The following MYOM1 variants were observed in gnomAD, a reference collection of about 807,000 sequenced individuals.
The protein encoded by MYOM1 is myomesin 1, also known as myomesin-1.
In MYOM1, 164 loss-of-function variants were observed where a neutral mutation model predicts 205.3. The observed-to-expected ratio is 0.80, with a 90% confidence interval of 0.70 to 0.91. The LOEUF (loss-of-function observed/expected upper bound fraction) is 0.91. Ranked by LOEUF, MYOM1 falls within the 40% of genes least tolerant of loss-of-function variation. The pLI is 0.00. For missense variants in MYOM1, 2,011 were observed against 2,127.3 expected (o/e 0.95, Z 1.08); for synonymous variants, 772 against 789.4 (o/e 0.98, Z 0.37).
chr18:3,103,625 T>A lies in MYOM1; in HGVS notation c.3419-995A>T, dbSNP rs2079411218. 2.6e-5 allele frequency among the ~76,000 whole-genome samples: 4 copies of A among 152,178 alleles called. No individual in the cohort carries two copies. In the South Asian group the frequency reaches 8.3e-4, roughly 31 times the overall value. On this transcript the variant is annotated intron_variant, in intron 22 of 37. Transcript: ENST00000356443. The stretch of plus-strand genomic sequence containing the variant: ...TATATTACATTTAATCCCAGAAAAG[T>A]ACAGCTGTATTTTTTTAAAAAGCAT...
intron 2 of MYOM1, among the ~76,000 whole-genome samples, chr18:3,197,472 T>A (rs916156606): frequency 1.3e-5 from 2 of 152,182 alleles, no homozygotes; most frequent in Non-Finnish European, 2.9e-5. Flanking sequence ...TACCTATATA[T>A]GTTTATTTAT....
At chr18:3,114,525 AT>A (rs2079575533) in intron 21 of MYOM1, among the ~76,000 whole-genome samples, 1 of 145,998 alleles carries the variant, frequency 6.8e-6, no homozygotes, top group East Asian at 2.0e-4. Flanking sequence ...ATACAGGCAC[AT>A]GCCACCATGG....
In MYOM1 at chr18:3,215,113, G is replaced by GGCCTGGGTGTA; in HGVS notation, c.110_111insTACACCCAGGC (p.Val38ThrfsTer45). The GGCCTGGGTGTA allele has an allele frequency of 6.2e-7, 1 of 1,613,754 alleles. No individual in the cohort carries two copies. The highest frequency in any genetic ancestry group is 8.5e-7 in the Non-Finnish European group (1 of 1,179,836). ...AGGCCGTGGAGCCCTGGGTGTAGACGGCGGAGCGTTTCTTCTCCCGCTGGT... is the reference window on the plus strand; with the variant it reads ...AGGCCGTGGAGCCCTGGGTGTAGACGGCCTGGGTGTAGCGGAGCGTTTCTTCTCCCGCTGGT... On this transcript the variant is annotated frameshift_variant, in exon 2 of 38. Coordinates refer to ENST00000356443, the MANE Select transcript of MYOM1 (RefSeq NM_003803.4). LOFTEE classifies it high-confidence loss of function.
intron 10 of MYOM1, among the ~76,000 whole-genome samples, chr18:3,156,729 C>A (rs569081863): frequency 5.3e-5 from 8 of 152,172 alleles, no homozygotes; most frequent in Non-Finnish European, 1.2e-4. Flanking sequence ...CCTCAAGCCT[C>A]CTGAGTAGCT....
In MYOM1 at chr18:3,148,844, C is replaced by CAAAAAA. The variant is rs71159049; in HGVS notation, c.1900+295_1900+300dup. Among the ~76,000 whole-genome samples, 155 of 47,942 alleles carry CAAAAAA rather than the reference C, an allele frequency of 3.2e-3. 2 individuals carry two copies. Among genetic ancestry groups the CAAAAAA allele is most frequent in the East Asian group, 5.4e-3 (6 of 1,110 alleles). The allele number at this position is 47,942 out of a possible 152,430, so 31.5% of individuals were successfully genotyped here. On this transcript the variant is annotated intron_variant, in intron 13 of 37. Coordinates refer to ENST00000356443, the MANE Select transcript of MYOM1 (RefSeq NM_003803.4). ...CTGGGCGACAGAGCGAGACTCCATC[C>CAAAAAA]AAAAAAAAAAAAAAAAAAAAAAAAA... is the stretch of plus-strand genomic sequence containing the variant.
At chr18:3,198,801 A>C (rs1176037580) in intron 2 of MYOM1, among the ~76,000 whole-genome samples, 2 of 151,964 alleles carry the variant, frequency 1.3e-5, no homozygotes, top group African/African-American at 4.8e-5. Context: ...AAAAAAAAAA[A>C]AAAAGATTTA....
At chr18:3,211,970 T>A (rs1276834857) in intron 2 of MYOM1, among the ~76,000 whole-genome samples, 1 of 152,234 alleles carries the variant, frequency 6.6e-6, no homozygotes, top group Non-Finnish European at 1.5e-5. Context: ...TGCTTTCATT[T>A]AGCAGGAAAA....
intron 23 of MYOM1, among the ~76,000 whole-genome samples, chr18:3,101,786 T>C (rs1205716879): frequency 6.6e-6 from 1 of 152,094 alleles, no homozygotes. Flanking sequence ...TCTAATAGCA[T>C]AAATGAGATA....
intron 33 of MYOM1, among the ~76,000 whole-genome samples, chr18:3,083,421 C>CT (rs1427363378): frequency 8.5e-5 from 8 of 94,116 alleles, no homozygotes; most frequent in East Asian, 2.8e-4. Flanking sequence ...TTTTCTTTTT[C>CT]TTTTTCTTTT....
chr18:3,173,951 G>A lies in MYOM1; in HGVS notation c.1161C>T (p.Thr387=). Residue 387 remains threonine, a synonymous_variant, in exon 8 of 38, where the codon ACC becomes ACT. Transcript: ENST00000356443. ...TTTTAAACTTACAGCTGAGGGGCATGGTGGAAGCCCCAGCGTGGAAGCGAG... is the reference window on the plus strand; with the variant it reads ...TTTTAAACTTACAGCTGAGGGGCATAGTGGAAGCCCCAGCGTGGAAGCGAG... ...DETRFHAGAS[T]MPLSFGVTPY... 3 of 1,613,576 alleles carry A rather than the reference G, an allele frequency of 1.9e-6. No homozygotes were observed. Among genetic ancestry groups the A allele is most frequent in the Non-Finnish European group, 2.5e-6 (3 of 1,179,576 alleles).
At chr18:3,206,358 A>C (rs1308087395) in intron 2 of MYOM1, among the ~76,000 whole-genome samples, 1 of 152,208 alleles carries the variant, frequency 6.6e-6, no homozygotes, top group Non-Finnish European at 1.5e-5. Context: ...GGAAGAGAGA[A>C]AGAGGCCATG....
At chr18:3,072,249 C>A (rs929873988) in intron 36 of MYOM1, among the ~76,000 whole-genome samples, 1 of 151,478 alleles carries the variant, frequency 6.6e-6, no homozygotes, top group African/African-American at 2.4e-5. Context: ...TGGGGTTTTG[C>A]CATCTTGGCC....
chr18:3,244,202 C>T, the MYOM1 span, among the ~76,000 whole-genome samples: 4 of 152,244 alleles, frequency 2.6e-5, no homozygotes, highest in East Asian at 1.9e-4. Flanking sequence ...CTCCAGACAT[C>T]GCCAAATGTT....
intron 30 of MYOM1, 76 bp from the exon 31 acceptor site, chr18:3,085,208 C>G: frequency 2.7e-6 from 1 of 372,552 alleles, no homozygotes; most frequent in East Asian, 1.3e-4. Flanking sequence ...TTTTTTTCTT[C>G]TGCTTCTTCT....
intron 37 of MYOM1, among the ~76,000 whole-genome samples, chr18:3,068,439 T>C (rs1644966894): frequency 6.6e-6 from 1 of 152,052 alleles, no homozygotes; most frequent in Non-Finnish European, 1.5e-5. Context: ...TGCTTATTTG[T>C]GTTTGTGTGT....
intron 1 of MYOM1, among the ~76,000 whole-genome samples, chr18:3,216,063 T>A (rs1461965225): frequency 2.0e-5 from 3 of 150,946 alleles, no homozygotes; most frequent in Non-Finnish European, 4.4e-5. Context: ...AGGTCAGGAG[T>A]TCAAGACCAG....
rs114053225 is a variant in MYOM1 at position 3,165,276 on chromosome 18, G to T, written c.1340-837C>A. ...TGTAAATCTCTATTTAATTTTAAGT[G>T]TGAATTTATACAGTTTCATTTTAAT... On this transcript the variant is annotated intron_variant, in intron 9 of 37. Coordinates refer to ENST00000356443, the MANE Select transcript of MYOM1 (RefSeq NM_003803.4). Among the ~76,000 whole-genome samples the T allele has an allele frequency of 6.4e-3, 978 of 152,276 alleles. 4 individuals carry two copies. The highest frequency in any genetic ancestry group is 0.022 in the African/African-American group (932 of 41,546).
intron 6 of MYOM1, among the ~76,000 whole-genome samples, chr18:3,175,789 G>T (rs143647408): frequency 6.6e-6 from 1 of 152,242 alleles, no homozygotes; most frequent in African/African-American, 2.4e-5. Flanking sequence ...ATAAAAACAT[G>T]CAAATTGGTT....
intron 8 of MYOM1, among the ~76,000 whole-genome samples, chr18:3,172,364 C>T (rs1175972923): frequency 6.6e-6 from 1 of 152,048 alleles, no homozygotes; most frequent in Non-Finnish European, 1.5e-5. Context: ...TTTCAGTCCC[C>T]GCCTTGACAG....
Sources: gnomAD v4.1 joint callset for allele counts (sites outside exome capture counted in the v4.1 genomes callset) on GRCh38, gnomAD v4.1.1 for gene constraint, MANE v1.5 for transcripts, NCBI Gene and HGNC (gene_info 2026-07-23, HGNC 2026-07-21) for gene names.